The following RMDN1 variants were observed in gnomAD, a reference collection of about 807,000 sequenced individuals.
The protein encoded by RMDN1 is regulator of microtubule dynamics 1.
In RMDN1, 48 loss-of-function variants were observed where a neutral mutation model predicts 48.9. The observed-to-expected ratio is 0.98, with a 90% CI of 0.78 to 1.25. The LOEUF is 1.25. Among genes scored for constraint, RMDN1 ranks in the 50% most tolerant of loss-of-function variants. RMDN1 has a pLI of 0.00. For missense variants in RMDN1, 418 were observed against 373.4 expected (o/e 1.12, Z -0.98); for synonymous variants, 148 against 132.6 (o/e 1.12, Z -0.80).
In RMDN1 at chr8:86,472,639, G is replaced by T. The variant is rs909455015; in HGVS notation, c.*1669C>A. The T allele has an allele frequency of 3.4e-6, 2 of 583,228 alleles. No homozygotes were observed. Among genetic ancestry groups the T allele is most frequent in the Non-Finnish European group, 3.0e-6 (1 of 331,014 alleles). The allele number at this position is 583,228 out of a possible 1,614,324, so 36.1% of individuals were successfully genotyped here. On this transcript the variant is annotated 3_prime_UTR_variant, in exon 10 of 10. Transcript: ENST00000406452. ...ACCCTGACCACATTATTTTTTCACT[G>T]TATCAGTGGTGTGTCATATTTTTTT...
chr8:86,485,306 T>C (rs1412685210), intron 4 of RMDN1, among the ~76,000 whole-genome samples: 1 of 152,100 alleles, frequency 6.6e-6, no homozygotes, highest in East Asian at 1.9e-4. Flanking sequence ...GTGCCTGTAA[T>C]CCCAGCTACT....
intron 4 of RMDN1, 36 bp downstream of exon 4, chr8:86,486,448 T>A: frequency 3.6e-6 from 5 of 1,400,532 alleles, no homozygotes; most frequent in Non-Finnish European, 4.8e-6. Flanking sequence ...AATGTACCTC[T>A]CAGTACATGG....
intron 4 of RMDN1, among the ~76,000 whole-genome samples, chr8:86,485,705 G>A (rs549768117): frequency 2.0e-5 from 3 of 152,164 alleles, no homozygotes; most frequent in East Asian, 1.9e-4. Context: ...ACAGTTGGAC[G>A]GCAGACCCAA....
intron 7 of RMDN1, among the ~76,000 whole-genome samples, chr8:86,477,625 T>C (rs1266223205): frequency 5.9e-5 from 9 of 152,228 alleles, no homozygotes; most frequent in African/African-American, 1.9e-4. Context: ...CTCAGCTATT[T>C]TGACAGTTCT....
intron 2 of RMDN1, among the ~76,000 whole-genome samples, chr8:86,490,942 G>A (rs989339037): frequency 6.6e-6 from 1 of 151,670 alleles, no homozygotes; most frequent in African/African-American, 2.4e-5. Context: ...AGGATCACTT[G>A]ACCCCAGAAG....
chr8:86,469,191 C>CT (rs896886333), downstream of RMDN1, among the ~76,000 whole-genome samples: 4 of 151,446 alleles, frequency 2.6e-5, no homozygotes, highest in Non-Finnish European at 4.4e-5. Flanking sequence ...TCCCGCCCCC[C>CT]CCATGTACTT....
intron 5 of RMDN1, chr8:86,483,121 C>G (rs985929449): frequency 1.9e-5 from 7 of 368,550 alleles, no homozygotes; most frequent in Admixed American, 1.8e-4. Context: ...CAAAAATAAT[C>G]CAAAGATGTT....
At chr8:86,468,442 A>C (rs180772562), downstream of RMDN1, 3,334 of 438,896 alleles carry the variant, frequency 7.6e-3, 110 homozygotes, top group South Asian at 0.041. Flanking sequence ...TTAAAAAAAA[A>C]ATTCTAATGT....
chr8:86,468,312 T>C (rs1016126693), downstream of RMDN1: 2 of 429,866 alleles, frequency 4.7e-6, no homozygotes, highest in Non-Finnish European at 9.1e-6. Flanking sequence ...GAGAGTGTGT[T>C]CTCCATTTTA....
chr8:86,477,293 C>G lies in RMDN1; in HGVS notation c.760+1G>C. The G allele has an allele frequency of 6.3e-7, 1 of 1,598,790 alleles. No homozygotes were observed. The highest frequency in any genetic ancestry group is 8.5e-7 in the Non-Finnish European group (1 of 1,171,846). The stretch of plus-strand genomic sequence containing the variant: ...AATATGTGTAATCAAAAATACCTTA[C>G]CTTGTTCTGCCCTGTGAAAGTAGCC... On this transcript the variant is annotated splice_donor_variant, in intron 8 of 9. Transcript: ENST00000406452. LOFTEE classifies it high-confidence loss of function.
downstream of RMDN1, among the ~76,000 whole-genome samples, chr8:86,469,099 C>T (rs1812329948): frequency 6.6e-6 from 1 of 150,998 alleles, no homozygotes; most frequent in Admixed American, 6.6e-5. Context: ...ATCAGTTAAG[C>T]AACACAATTC....
chr8:86,498,664 C>A (rs1272279497), intron 2 of RMDN1, among the ~76,000 whole-genome samples: 1 of 152,036 alleles, frequency 6.6e-6, no homozygotes, highest in Non-Finnish European at 1.5e-5. Flanking sequence ...AACTGTAGCC[C>A]CAGCCACTCA....
At chr8:86,487,449 G>A (rs529748753) in intron 3 of RMDN1, among the ~76,000 whole-genome samples, 2 of 152,230 alleles carry the variant, frequency 1.3e-5, no homozygotes, top group South Asian at 2.1e-4. Flanking sequence ...TTAGCCGGGT[G>A]TGGTGGCACA....
chr8:86,476,760 A>G (rs1813445413), intron 8 of RMDN1, among the ~76,000 whole-genome samples: 1 of 152,180 alleles, frequency 6.6e-6, no homozygotes, highest in Non-Finnish European at 1.5e-5. Context: ...CAGTGGTGCA[A>G]TCACAGCTCA....
rs994686111 is a variant in RMDN1, at chr8:86,482,083, G to A, written c.586-1751C>T. The A allele has an allele frequency of 4.9e-6, 3 of 611,456 alleles. No homozygotes were observed. In the African/African-American group the frequency reaches 5.6e-5, roughly 12 times the overall value. The allele number at this position is 611,456 out of a possible 1,614,324, so 37.9% of individuals were successfully genotyped here. A position where few individuals can be genotyped will look rare whatever the true frequency, so the allele number is the denominator to read the frequency against. On this transcript the variant is annotated intron_variant, in intron 5 of 9. Coordinates refer to ENST00000406452, the MANE Select transcript of RMDN1 (RefSeq NM_016033.3). ...GCTAAAGCTCACGCGGCACGCAGCT[G>A]CTCCTCTGGACCTCGATCTTGAAAG...
At position 86,474,141 on chromosome 8, in the gene RMDN1, T is replaced by C; in HGVS notation, c.*167A>G. ...CTACCACTCTTATGGCGATTATTTA[T>C]TTTACCCTATTATTTGTGAAGAAGC... On this transcript the variant is annotated 3_prime_UTR_variant, in exon 10 of 10. Coordinates refer to ENST00000406452, the MANE Select transcript of RMDN1 (RefSeq NM_016033.3). 7.3e-7 allele frequency: 1 copy of C among 1,372,442 alleles called. No homozygotes were observed. Among genetic ancestry groups the C allele is most frequent in the Non-Finnish European group, 9.4e-7 (1 of 1,064,780 alleles). The allele number at this position is 1,372,442 out of a possible 1,614,324, so 85.0% of individuals were successfully genotyped here.
chr8:86,473,366 C>G lies in RMDN1; in HGVS notation c.*942G>C, dbSNP rs913364516. 9.1e-6 allele frequency: 9 copies of G among 985,280 alleles called. No homozygotes were observed. Among genetic ancestry groups the G allele is most frequent in the Admixed American group, 6.2e-5 (1 of 16,258 alleles). 61.0% of individuals were successfully genotyped at this position (985,280 alleles called of 1,614,324 possible). A position where few individuals can be genotyped will look rare whatever the true frequency, so the allele number is the denominator to read the frequency against. On this transcript the variant is annotated 3_prime_UTR_variant, in exon 10 of 10. Coordinates refer to ENST00000406452, the MANE Select transcript of RMDN1 (RefSeq NM_016033.3). ...CATAGTCCTGCCTATTTAAAAACAT[C>G]TTAGTATTCCATTTCACTCTTAAGT...
At chr8:86,503,390 C>CAAAAAAAAAAAAAAAAACAAAACAAAACA (rs1405705068) in intron 2 of RMDN1, among the ~76,000 whole-genome samples, 1 of 56,588 alleles carries the variant, frequency 1.8e-5, no homozygotes, top group Non-Finnish European at 3.5e-5. Flanking sequence ...AAAAAAAAAA[C>CAAAAAAAAAAAAAAAAACAAAACAAAACA]AAAAAAAAAT....
At chr8:86,489,932 A>G (rs1816214557) in intron 2 of RMDN1, among the ~76,000 whole-genome samples, 1 of 147,462 alleles carries the variant, frequency 6.8e-6, no homozygotes, top group African/African-American at 2.5e-5. Context: ...TTAAGTTAAC[A>G]TCATAATGTA....
Sources: allele counts gnomAD v4.1 joint callset (sites outside exome capture counted in the v4.1 genomes callset), GRCh38; gene constraint gnomAD v4.1.1; transcripts MANE v1.5; gene names NCBI Gene and HGNC (gene_info 2026-07-23, HGNC 2026-07-21).